SORCS1: variants seen among roughly 807,000 people sequenced by gnomAD.
SORCS1 encodes the protein VPS10 domain-containing receptor SorCS1.
In SORCS1, 60 loss-of-function variants were observed where a neutral mutation model predicts 146.1. The observed-to-expected ratio is 0.41, with a 90% CI of 0.33 to 0.51. SORCS1 has a LOEUF of 0.51. Among genes scored for constraint, SORCS1 ranks in the 20% least tolerant of loss-of-function variants. The pLI, the probability that SORCS1 is intolerant of heterozygous loss-of-function variation, is 0.21. For missense variants in SORCS1, 1,352 were observed against 1,487.6 expected (o/e 0.91, Z 1.50); for synonymous variants, 637 against 584.0 (o/e 1.09, Z -1.31).
chr10:106,898,781 A>G (rs1490951309), intron 2 of SORCS1, among the ~76,000 whole-genome samples: 1 of 152,104 alleles, frequency 6.6e-6, no homozygotes, highest in African/African-American at 2.4e-5. Flanking sequence ...GTAATGATCA[A>G]TTCTGATGGT....
intron 3 of SORCS1, among the ~76,000 whole-genome samples, chr10:106,777,318 T>C (rs1189037889): frequency 6.6e-6 from 1 of 152,250 alleles, no homozygotes; most frequent in African/African-American, 2.4e-5. Context: ...GTTTCTTGTC[T>C]ATATAACCTC....
At chr10:106,971,046 G>T (rs555493625) in intron 1 of SORCS1, among the ~76,000 whole-genome samples, 1 of 151,324 alleles carries the variant, frequency 6.6e-6, no homozygotes, top group Non-Finnish European at 1.5e-5. Context: ...CACCATGACC[G>T]GCCTGCTTCC....
chr10:106,917,192 A>C (rs1377038623), intron 2 of SORCS1, among the ~76,000 whole-genome samples: 1 of 152,168 alleles, frequency 6.6e-6, no homozygotes, highest in Non-Finnish European at 1.5e-5. Context: ...CTAATTTTCC[A>C]TTCCAAATAT....
At chr10:106,918,122 C>T (rs985770669) in intron 2 of SORCS1, among the ~76,000 whole-genome samples, 1 of 152,100 alleles carries the variant, frequency 6.6e-6, no homozygotes, top group African/African-American at 2.4e-5. Flanking sequence ...TACTGAAGTG[C>T]CTTCTGCCAG....
chr10:106,999,921 G>A (rs1564908753), intron 1 of SORCS1, among the ~76,000 whole-genome samples: 2 of 147,380 alleles, frequency 1.4e-5, no homozygotes, highest in Non-Finnish European at 2.9e-5. Context: ...ATGGTTTGTT[G>A]TTTGGAAAAA....
At chr10:106,767,558 G>C (rs1027652753) in intron 4 of SORCS1, among the ~76,000 whole-genome samples, 6 of 152,038 alleles carry the variant, frequency 3.9e-5, no homozygotes, top group Non-Finnish European at 8.8e-5. Flanking sequence ...GCGCCATCTC[G>C]GCTCACTGCA....
rs139578308 is a variant in SORCS1, at chr10:106,910,018, G to C, written c.626+46495C>G. On this transcript the variant is annotated intron_variant, in intron 2 of 25. Coordinates refer to ENST00000263054, the MANE Select transcript of SORCS1 (RefSeq NM_052918.5). ...TTCACTCACTCTTACCTACATACTG[G>C]AATTTAATAGCCATGCCTCTCTGTT... 4.1e-3 allele frequency among the ~76,000 whole-genome samples: 620 copies of C among 152,244 alleles called. 4 individuals are homozygous for C. The highest frequency in any genetic ancestry group is 0.014 in the African/African-American group (579 of 41,528).
At position 106,849,568 on chromosome 10, in the gene SORCS1, A is replaced by G. The variant is rs1949456601; in HGVS notation, c.627-19895T>C. Among the ~76,000 whole-genome samples, 3 of 151,148 alleles carry G rather than the reference A, an allele frequency of 2.0e-5. No individual in the cohort carries two copies. The South Asian group carries it at 6.3e-4, about 32-fold the overall frequency. On this transcript the variant is annotated intron_variant, in intron 2 of 25. Transcript: ENST00000263054. Reference sequence around the variant, plus strand: ...AGCTCAGAGTAATTTGATCGTCTGAAGCCTTCCTCTCTCAGCTCGTCAAAA... The same window carrying G: ...AGCTCAGAGTAATTTGATCGTCTGAGGCCTTCCTCTCTCAGCTCGTCAAAA...
chr10:107,066,996 G>C (rs1961934085), intron 1 of SORCS1, among the ~76,000 whole-genome samples: 1 of 152,294 alleles, frequency 6.6e-6, no homozygotes, highest in Non-Finnish European at 1.5e-5. Flanking sequence ...GAACAACTCA[G>C]AGATATAAAA....
intron 2 of SORCS1, among the ~76,000 whole-genome samples, chr10:106,888,158 C>G (rs1364615852): frequency 6.6e-6 from 1 of 152,110 alleles, no homozygotes; most frequent in Non-Finnish European, 1.5e-5. Flanking sequence ...AACTATTCTT[C>G]CATTCTTCAG....
chr10:106,745,757 G>A (rs1336927628), intron 5 of SORCS1, among the ~76,000 whole-genome samples: 1 of 152,242 alleles, frequency 6.6e-6, no homozygotes, highest in Non-Finnish European at 1.5e-5. Context: ...GAGAAATCTG[G>A]GAGCTTCCAA....
At chr10:107,001,394 AG>A (rs992043219) in intron 1 of SORCS1, among the ~76,000 whole-genome samples, 1 of 152,162 alleles carries the variant, frequency 6.6e-6, no homozygotes, top group Admixed American at 6.5e-5. Context: ...TACAGAACAG[AG>A]GGGGGTCAAG....
intron 3 of SORCS1, among the ~76,000 whole-genome samples, chr10:106,795,597 G>A (rs890820740): frequency 2.0e-5 from 3 of 152,164 alleles, no homozygotes; most frequent in Non-Finnish European, 4.4e-5. Context: ...GATCCTTTCT[G>A]TTTCGGGAGA....
At chr10:107,021,651 T>C (rs979235176) in intron 1 of SORCS1, among the ~76,000 whole-genome samples, 1 of 152,106 alleles carries the variant, frequency 6.6e-6, no homozygotes, top group African/African-American at 2.4e-5. Flanking sequence ...AGAGCAAGTA[T>C]GTTAGAGTCA....
At chr10:106,981,398 T>G (rs1332793912) in intron 1 of SORCS1, among the ~76,000 whole-genome samples, 4 of 152,178 alleles carry the variant, frequency 2.6e-5, no homozygotes, top group African/African-American at 9.7e-5. Context: ...GTTAAAAACT[T>G]TTTTGAGTGT....
Position 106,923,124 on chromosome 10 carries a change from C to T in SORCS1, c.626+33389G>A, listed in dbSNP as rs184466242. Among the ~76,000 whole-genome samples, 477 of 152,238 alleles carry T rather than the reference C, an allele frequency of 3.1e-3. 5 individuals carry two copies. Among genetic ancestry groups the T allele is most frequent in the African/African-American group, 9.3e-3 (386 of 41,558 alleles). On this transcript the variant is annotated intron_variant, in intron 2 of 25. Transcript: ENST00000263054. ...CAGGATGGTCTCGATCTCTTGACCTCGTGATCCGCCCGCCTCAGCATCCCA... is the reference window on the plus strand; with the variant it reads ...CAGGATGGTCTCGATCTCTTGACCTTGTGATCCGCCCGCCTCAGCATCCCA...
chr10:106,929,640 A>G (rs141986372), intron 2 of SORCS1, among the ~76,000 whole-genome samples: 2 of 152,314 alleles, frequency 1.3e-5, no homozygotes, highest in African/African-American at 2.4e-5. Flanking sequence ...TTGTTTTAGT[A>G]GCCTGAGTTT....
chr10:107,049,907 G>C (rs1188551544), intron 1 of SORCS1, among the ~76,000 whole-genome samples: 1 of 152,166 alleles, frequency 6.6e-6, no homozygotes, highest in Admixed American at 6.5e-5. Flanking sequence ...CTAATATTTT[G>C]TGTGAAGAGA....
rs553032484 is a variant in SORCS1 at position 107,034,680 on chromosome 10, C to CAAAAAAAAAAAAA, written c.559-78113_559-78101dup. On this transcript the variant is annotated intron_variant, in intron 1 of 25. Coordinates refer to ENST00000263054, the MANE Select transcript of SORCS1 (RefSeq NM_052918.5). Reference sequence around the variant, plus strand: ...GGGAAACATGAGCGAAACTCCATCTCAAAAAAAAAAAAAAAAAAAAAAAAA... The same window carrying CAAAAAAAAAAAAA: ...GGGAAACATGAGCGAAACTCCATCTCAAAAAAAAAAAAAAAAAAAAAAAAAAAAAAAAAAAAAA... Among the ~76,000 whole-genome samples the CAAAAAAAAAAAAA allele has an allele frequency of 1.6e-3, 22 of 13,796 alleles. 4 individuals are homozygous for CAAAAAAAAAAAAA. Among genetic ancestry groups the CAAAAAAAAAAAAA allele is most frequent in the African/African-American group, 4.0e-3 (15 of 3,716 alleles). 9.1% of individuals were successfully genotyped at this position (13,796 alleles called of 152,430 possible).
Sources: allele counts gnomAD v4.1 joint callset (sites outside exome capture counted in the v4.1 genomes callset), GRCh38; gene constraint gnomAD v4.1.1; transcripts MANE v1.5; gene names NCBI Gene and HGNC (gene_info 2026-07-23, HGNC 2026-07-21).